WWOX: variants seen among roughly 807,000 people sequenced by gnomAD.
WWOX encodes the protein WW domain containing oxidoreductase.
A neutral mutation model predicts 46.2 loss-of-function variants in WWOX; 69 were observed. The observed-to-expected ratio is 1.49, with a 90% CI of 1.23 to 1.82. The LOEUF is 1.82. Ranked by LOEUF, WWOX falls within the 40% of genes most tolerant of loss-of-function variation. The probability of loss-of-function intolerance (pLI) is 0.00; values close to 1 mark genes in which losing one functional copy is unlikely to be tolerated. For missense variants in WWOX, 919 were observed against 542.6 expected, an observed-to-expected ratio of 1.69 and a Z score of -6.89; for synonymous variants, 359 against 202.6, an observed-to-expected ratio of 1.77 and a Z score of -6.56.
chr16:78,742,185 C>T (rs372861609), intron 8 of WWOX, among the ~76,000 whole-genome samples: 21 of 152,222 alleles, frequency 1.4e-4, no homozygotes, highest in Middle Eastern at 6.8e-3. Context: ...CATCGTTTGT[C>T]GATAAATCAG....
intron 8 of WWOX, among the ~76,000 whole-genome samples, chr16:78,912,295 C>T (rs1332992628): frequency 2.6e-5 from 4 of 152,008 alleles, no homozygotes; most frequent in Non-Finnish European, 5.9e-5. Flanking sequence ...GTGTGCCAGG[C>T]ACTATGCTAT....
chr16:78,252,774 T>C (rs1299686346), intron 5 of WWOX, among the ~76,000 whole-genome samples: 1 of 152,180 alleles, frequency 6.6e-6, no homozygotes, highest in Non-Finnish European at 1.5e-5. Flanking sequence ...TATAGGATTA[T>C]AGCAAATCAT....
At chr16:78,870,478 C>T (rs1040696833) in intron 8 of WWOX, among the ~76,000 whole-genome samples, 5 of 151,878 alleles carry the variant, frequency 3.3e-5, no homozygotes, top group African/African-American at 1.2e-4. Flanking sequence ...ATTCAAGATT[C>T]AGAGCTCATT....
intron 5 of WWOX, among the ~76,000 whole-genome samples, chr16:78,378,445 C>T (rs1296247297): frequency 2.6e-5 from 4 of 152,130 alleles, no homozygotes; most frequent in Non-Finnish European, 4.4e-5. Context: ...TGTCCCCATG[C>T]ATTTTCCAGT....
At chr16:79,108,305 A>T (rs1033888409) in intron 8 of WWOX, among the ~76,000 whole-genome samples, 1 of 152,244 alleles carries the variant, frequency 6.6e-6, no homozygotes, top group Non-Finnish European at 1.5e-5. Flanking sequence ...TGACACACAC[A>T]TCAGTGTATA....
At chr16:78,607,619 T>C (rs1387232842) in intron 8 of WWOX, among the ~76,000 whole-genome samples, 1 of 150,036 alleles carries the variant, frequency 6.7e-6, no homozygotes, top group Non-Finnish European at 1.5e-5. Context: ...TCAGCTGGCG[T>C]AAGAGGAGTG....
intron 8 of WWOX, among the ~76,000 whole-genome samples, chr16:79,008,258 A>G (rs770607091): frequency 6.6e-6 from 1 of 152,208 alleles, no homozygotes; most frequent in Non-Finnish European, 1.5e-5. Context: ...GGCTTCTTCA[A>G]GACTGAAGGA....
intron 8 of WWOX, among the ~76,000 whole-genome samples, chr16:78,866,067 G>A (rs952017683): frequency 2.0e-4 from 30 of 152,328 alleles, no homozygotes; most frequent in African/African-American, 7.0e-4. Context: ...CCAAGGTGCA[G>A]ATTCTAGTTG....
intron 8 of WWOX, among the ~76,000 whole-genome samples, chr16:78,455,527 C>T (rs1038075190): frequency 6.6e-6 from 1 of 151,030 alleles, no homozygotes; most frequent in South Asian, 2.1e-4. Context: ...CCTGTAGTCC[C>T]AGCTACTCTG....
At chr16:78,185,561 G>C (rs2035671557) in intron 5 of WWOX, among the ~76,000 whole-genome samples, 1 of 151,982 alleles carries the variant, frequency 6.6e-6, no homozygotes, top group South Asian at 2.1e-4. Context: ...TACTTCCCAG[G>C]GTGGTGCATC....
In WWOX at chr16:78,357,497, A is replaced by G. The variant is rs532999333; in HGVS notation, c.517-29363A>G. 4.6e-5 allele frequency among the ~76,000 whole-genome samples: 7 copies of G among 152,268 alleles called. No individual in the cohort carries two copies. The South Asian group carries it at 1.5e-3, about 32-fold the overall frequency. On this transcript the variant is annotated intron_variant, in intron 5 of 8. Coordinates refer to ENST00000566780, the MANE Select transcript of WWOX (RefSeq NM_016373.4). ...CCCTTCAATCTGTAACCTTCCTGCA[A>G]CACTGTCTTTGTGATGTTATCATAA... is the stretch of plus-strand genomic sequence containing the variant.
At chr16:78,630,207 T>C (rs535136031) in intron 8 of WWOX, among the ~76,000 whole-genome samples, 1 of 152,304 alleles carries the variant, frequency 6.6e-6, no homozygotes, top group East Asian at 1.9e-4. Context: ...GGCTGTAAGT[T>C]TCACAAGGCC....
At chr16:78,145,732 A>T (rs1440813803) in intron 4 of WWOX, among the ~76,000 whole-genome samples, 1 of 152,146 alleles carries the variant, frequency 6.6e-6, no homozygotes, top group East Asian at 1.9e-4. Flanking sequence ...GTGTTCACAT[A>T]GTCTCCTCAC....
At chr16:78,192,771 A>G (rs1420104056) in intron 5 of WWOX, among the ~76,000 whole-genome samples, 3 of 152,132 alleles carry the variant, frequency 2.0e-5, no homozygotes, top group Non-Finnish European at 4.4e-5. Context: ...TTTGGTGAGA[A>G]TTTACTTGTT....
chr16:79,035,128 T>A (rs2047840507), intron 8 of WWOX, among the ~76,000 whole-genome samples: 1 of 152,180 alleles, frequency 6.6e-6, no homozygotes, highest in Non-Finnish European at 1.5e-5. Flanking sequence ...AAAATAAATA[T>A]CTGTGATCTC....
rs576846655 is a variant in WWOX, at chr16:78,500,360, A to G, written c.1056+67608A>G. ...CATTCAGTTTTACTCTGCACAAAAT[A>G]CAGCCAACATTTTTGCATTTCTTTC... On this transcript the variant is annotated intron_variant, in intron 8 of 8. Transcript: ENST00000566780. Among the ~76,000 whole-genome samples the G allele has an allele frequency of 6.6e-5, 10 of 152,306 alleles. No homozygotes were observed. The South Asian group carries it at 2.1e-3, about 32-fold the overall frequency.
intron 5 of WWOX, among the ~76,000 whole-genome samples, chr16:78,343,589 G>A (rs913819610): frequency 8.3e-6 from 1 of 120,780 alleles, no homozygotes; most frequent in Admixed American, 8.1e-5. Flanking sequence ...GCTGAGAGGC[G>A]GTAACTCTTT....
intron 8 of WWOX, among the ~76,000 whole-genome samples, chr16:79,162,391 C>A (rs1352497934): frequency 6.6e-6 from 1 of 152,188 alleles, no homozygotes; most frequent in East Asian, 1.9e-4. Flanking sequence ...AATACTCTCT[C>A]TTGTCCCTGG....
intron 8 of WWOX, among the ~76,000 whole-genome samples, chr16:78,853,517 C>G (rs575631151): frequency 3.0e-4 from 46 of 152,246 alleles, no homozygotes; most frequent in African/African-American, 1.0e-3. Flanking sequence ...ATTCCATAAC[C>G]CGGTGTGCTA....
Sources: allele counts gnomAD v4.1 joint callset (sites outside exome capture counted in the v4.1 genomes callset), GRCh38; gene constraint gnomAD v4.1.1; transcripts MANE v1.5; gene names NCBI Gene and HGNC (gene_info 2026-07-23, HGNC 2026-07-21).